Variants in TPCN2 observed in about 807,000 individuals in gnomAD.
The protein encoded by TPCN2 is two pore channel protein 2.
TPCN2 carries 92 observed loss-of-function variants against 111.4 expected under a neutral mutation model. The ratio of observed to expected loss-of-function variants is 0.83; its 90% confidence interval spans 0.70 to 0.98. TPCN2 has a LOEUF of 0.98. Ranked by LOEUF, TPCN2 falls within the 50% of genes least tolerant of loss-of-function variation. The pLI, the probability that TPCN2 is intolerant of heterozygous loss-of-function variation, is 0.00. For synonymous variants in TPCN2, 405 were observed against 414.5 expected (o/e 0.98, Z 0.28); for missense variants, 995 against 980.1 (o/e 1.02, Z -0.20).
Position 69,071,966 on chromosome 11 carries a change from G to C in TPCN2, c.1004G>C (p.Arg335Pro), listed in dbSNP as rs755508649. Residue 335 changes from arginine (R) to proline (P), a missense_variant, in exon 11 of 25, where the codon CGG (arginine) becomes CCG (proline). Transcript: ENST00000294309. ...TSLFRRRLGT[R>P]AAFEVLSSMV... ...CTGTTTCGGAGGCGGCTGGGAACCC[G>C]GGCTGCCTTTGAAGTCCTATCCTCC... 2.5e-6 allele frequency: 4 copies of C among 1,614,028 alleles called. No homozygotes were observed. The highest frequency in any genetic ancestry group is 3.4e-6 in the Non-Finnish European group (4 of 1,179,986).
At position 69,057,690 on chromosome 11, in the gene TPCN2, A is replaced by T. The variant is rs201454554; in HGVS notation, c.542A>T (p.His181Leu). 6.2e-7 allele frequency: 1 copy of T among 1,613,944 alleles called. No individual in the cohort carries two copies. Among genetic ancestry groups the T allele is most frequent in the African/African-American group, 1.3e-5 (1 of 75,044 alleles). Residue 181 changes from histidine to leucine, a missense_variant, in exon 5 of 25, where the codon CAT (histidine) becomes CTT (leucine). Coordinates refer to ENST00000294309, the MANE Select transcript of TPCN2 (RefSeq NM_139075.4). ...DWTVSLSLVC[H>L]EPLRIRRLLR... Reference sequence around the variant, plus strand: ...ACCGTGTCCCTGAGTCTCGTGTGTCATGAGGTAGGTGGTGAGGCAGCCCTG... The same window carrying T: ...ACCGTGTCCCTGAGTCTCGTGTGTCTTGAGGTAGGTGGTGAGGCAGCCCTG...
At chr11:69,085,413 T>A in intron 20 of TPCN2, 127 bp downstream of exon 20, 1 of 967,492 alleles carries the variant, frequency 1.0e-6, no homozygotes, top group Non-Finnish European at 1.6e-6. Context: ...TTCCTTCGTC[T>A]CCTCCCTCCA....
Position 69,079,777 on chromosome 11 carries a change from A to C in TPCN2, c.1540-57A>C, listed in dbSNP as rs1855929588. ...GATGAGCTTTATAATAATTCCTTTA[A>C]GGGCCGCCCAGATTAGTGTTGCTGT... On this transcript the variant is annotated intron_variant, in intron 16 of 24. Transcript: ENST00000294309. 2.0e-6 allele frequency: 3 copies of C among 1,528,500 alleles called. No individual in the cohort carries two copies. The South Asian group carries it at 3.5e-5, about 18-fold the overall frequency. The allele number at this position is 1,528,500 out of a possible 1,614,324, so 94.7% of individuals were successfully genotyped here.
At chr11:69,052,002 A>G (rs1437620645) in intron 1 of TPCN2, among the ~76,000 whole-genome samples, 2 of 152,172 alleles carry the variant, frequency 1.3e-5, no homozygotes, top group African/African-American at 4.8e-5. Flanking sequence ...GTTTGGAACG[A>G]GATCCTTGGG....
At chr11:69,078,843 G>T (rs1435613835) in intron 15 of TPCN2, 49 bp from the exon 16 acceptor site, 1 of 1,613,966 alleles carries the variant, frequency 6.2e-7, no homozygotes, top group Non-Finnish European at 8.5e-7. Flanking sequence ...GCTGGGCAGT[G>T]CTGGCAGCCC....
chr11:69,049,667 C>T (rs1030019660), intron 1 of TPCN2, among the ~76,000 whole-genome samples: 2 of 152,144 alleles, frequency 1.3e-5, no homozygotes, highest in South Asian at 2.1e-4. Context: ...TCCCACTTCC[C>T]GTGGGGCTGG....
chr11:69,085,805 T>A (rs531591147), intron 21 of TPCN2, 43 bp from the exon 22 acceptor site: 1 of 1,612,808 alleles, frequency 6.2e-7, no homozygotes, highest in East Asian at 2.2e-5. Context: ...CTCCCCTCCC[T>A]ACCTCCTGGG....
intron 4 of TPCN2, among the ~76,000 whole-genome samples, chr11:69,056,297 C>T (rs910875202): frequency 1.3e-5 from 2 of 152,288 alleles, no homozygotes; most frequent in African/African-American, 2.4e-5. Context: ...GGCTGTGTGC[C>T]GACCGAGGGT....
rs1032141355 is a variant in TPCN2 at position 69,078,617 on chromosome 11, C to T, written c.1350+16C>T. Reference sequence around the variant, plus strand: ...GTCCATTTGCGTGAGTGTGGATTTGCCCCAGAGCTGGCACGGAAGTGCCGG... The same window carrying T: ...GTCCATTTGCGTGAGTGTGGATTTGTCCCAGAGCTGGCACGGAAGTGCCGG... On this transcript the variant is annotated intron_variant, in intron 14 of 24. Coordinates refer to ENST00000294309, the MANE Select transcript of TPCN2 (RefSeq NM_139075.4). The T allele has an allele frequency of 1.9e-6, 3 of 1,613,916 alleles. No homozygotes were observed. The highest frequency in any genetic ancestry group is 2.5e-6 in the Non-Finnish European group (3 of 1,180,024).
intron 5 of TPCN2, among the ~76,000 whole-genome samples, chr11:69,060,044 C>T (rs896947525): frequency 6.6e-6 from 1 of 152,206 alleles, no homozygotes; most frequent in Non-Finnish European, 1.5e-5. Context: ...CCATGGTGGG[C>T]GTTCACATGG....
intron 19 of TPCN2, chr11:69,084,976 C>A: frequency 3.2e-6 from 1 of 313,132 alleles, no homozygotes; most frequent in Non-Finnish European, 4.6e-6. Context: ...GCCCTAATTC[C>A]CTTAGGAGCT....
At chr11:69,063,062 G>C in intron 6 of TPCN2, 72 bp downstream of exon 6, 6 of 1,381,298 alleles carry the variant, frequency 4.3e-6, no homozygotes, top group Non-Finnish European at 5.1e-6. Flanking sequence ...GTGGTTGCGG[G>C]TGGGGCCCAC....
chr11:69,074,655 G>T (rs889172558), intron 13 of TPCN2, among the ~76,000 whole-genome samples: 1 of 152,168 alleles, frequency 6.6e-6, no homozygotes, highest in African/African-American at 2.4e-5. Context: ...GGACACCTTG[G>T]CCAAGAGAGA....
intron 18 of TPCN2, chr11:69,083,212 C>G (rs1856119988): frequency 6.5e-6 from 1 of 153,046 alleles, no homozygotes; most frequent in South Asian, 2.1e-4. Context: ...TGGCGCACAG[C>G]AGACCCTGCA....
chr11:69,065,020 T>G (rs140536399), intron 7 of TPCN2, among the ~76,000 whole-genome samples: 1,608 of 147,558 alleles, frequency 0.011, 32 homozygotes, highest in African/African-American at 0.037. Flanking sequence ...GCATGGTGTC[T>G]GTATGTCTGT....
chr11:69,079,115 C>G (rs1035942503), intron 16 of TPCN2, 95 bp downstream of exon 16: 2 of 1,449,824 alleles, frequency 1.4e-6, no homozygotes, highest in Admixed American at 4.5e-5. Flanking sequence ...CCCCTGAGGA[C>G]TAGAGGCTGT....
chr11:69,051,731 C>G (rs151261522), intron 1 of TPCN2, among the ~76,000 whole-genome samples: 1 of 152,160 alleles, frequency 6.6e-6, no homozygotes, highest in African/African-American at 2.4e-5. Flanking sequence ...GAGCTCAGGG[C>G]GGGGCGAGCT....
chr11:69,071,531 C>A, intron 10 of TPCN2, 111 bp downstream of exon 10: 1 of 966,076 alleles, frequency 1.0e-6, no homozygotes, highest in Non-Finnish European at 1.6e-6. Flanking sequence ...CCTGGTGGGA[C>A]GGGAGGGCAG....
intron 2 of TPCN2, 108 bp from the exon 3 acceptor site, chr11:69,054,613 T>C (rs1180002882): frequency 9.5e-7 from 1 of 1,057,648 alleles, no homozygotes; most frequent in African/African-American, 1.6e-5. Flanking sequence ...GCGTCCCCTG[T>C]GATCCACAGC....
Sources: allele counts gnomAD v4.1 joint callset (sites outside exome capture counted in the v4.1 genomes callset), GRCh38; gene constraint gnomAD v4.1.1; transcripts MANE v1.5; gene names NCBI Gene and HGNC (gene_info 2026-07-23, HGNC 2026-07-21).